Variants in RIN3 observed in about 807,000 individuals in gnomAD.
RIN3 encodes the protein RAB5 interacting protein 3.
Under a neutral mutation model 76.3 loss-of-function variants are expected in RIN3, and 54 were observed. That is an observed-to-expected ratio of 0.71 (90% CI 0.57 to 0.89). The LOEUF (loss-of-function observed/expected upper bound fraction) is 0.89. Ranked by LOEUF, RIN3 falls within the 40% of genes least tolerant of loss-of-function variation. RIN3 has a pLI of 0.00. For synonymous variants in RIN3, 576 were observed against 564.0 expected, an observed-to-expected ratio of 1.02 and a Z score of -0.30; for missense variants, 1,256 against 1,322.1, an observed-to-expected ratio of 0.95 and a Z score of 0.78.
intron 4 of RIN3, among the ~76,000 whole-genome samples, chr14:92,621,639 A>G (rs1035530653): frequency 1.3e-5 from 2 of 152,226 alleles, no homozygotes; most frequent in Non-Finnish European, 2.9e-5. Flanking sequence ...ATCAATAGAA[A>G]GGAAATGTTC....
At chr14:92,597,740 C>A (rs1420155344) in intron 3 of RIN3, among the ~76,000 whole-genome samples, 1 of 152,132 alleles carries the variant, frequency 6.6e-6, no homozygotes, top group African/African-American at 2.4e-5. Flanking sequence ...CCCTAGTTTG[C>A]AGAATGTGGC....
chr14:92,559,007 C>T (rs1168032050), intron 2 of RIN3, among the ~76,000 whole-genome samples: 1 of 151,288 alleles, frequency 6.6e-6, no homozygotes, highest in Middle Eastern at 3.2e-3. Flanking sequence ...GCTGGGACTA[C>T]AGGCGTGTGC....
chr14:92,668,788 G>A (rs781632022), intron 7 of RIN3, among the ~76,000 whole-genome samples: 3 of 152,248 alleles, frequency 2.0e-5, no homozygotes, highest in Non-Finnish European at 4.4e-5. Context: ...GAGGGACATA[G>A]TTGAAAGGAG....
At position 92,513,822 on chromosome 14, in the gene RIN3, C is replaced by T. The variant is rs1156442466; in HGVS notation, c.-111C>T. On this transcript the variant is annotated 5_prime_UTR_variant, in exon 1 of 10. Transcript: ENST00000216487. Reference sequence around the variant, plus strand: ...CCCAGAGCGCGGCGGCAGCGGCGGCCTGGCCCTTCCAGAGGGCCAGAGCCA... The same window carrying T: ...CCCAGAGCGCGGCGGCAGCGGCGGCTTGGCCCTTCCAGAGGGCCAGAGCCA... The T allele has an allele frequency of 2.9e-6, 2 of 678,414 alleles. No homozygotes were observed. The highest frequency in any genetic ancestry group is 4.1e-6 in the Non-Finnish European group (2 of 484,894). The allele number at this position is 678,414 out of a possible 1,614,324, so 42.0% of individuals were successfully genotyped here.
chr14:92,552,874 T>A (rs796947072), intron 1 of RIN3, among the ~76,000 whole-genome samples: 1 of 152,040 alleles, frequency 6.6e-6, no homozygotes, highest in African/African-American at 2.4e-5. Flanking sequence ...GGGTTTTTTT[T>A]AACTGTTTTG....
chr14:92,589,730 T>G (rs1237583148), intron 3 of RIN3, among the ~76,000 whole-genome samples: 2 of 152,204 alleles, frequency 1.3e-5, no homozygotes, highest in Admixed American at 6.5e-5. Context: ...CATAAAAAGT[T>G]AGTTGTCTCT....
At chr14:92,625,423 CAG>C (rs1284668682) in intron 4 of RIN3, among the ~76,000 whole-genome samples, 1 of 152,144 alleles carries the variant, frequency 6.6e-6, no homozygotes, top group Non-Finnish European at 1.5e-5. Context: ...TTGTCTGAGT[CAG>C]TGTTTTCTAC....
intron 3 of RIN3, among the ~76,000 whole-genome samples, chr14:92,579,783 G>A (rs1898377245): frequency 6.6e-6 from 1 of 152,220 alleles, no homozygotes; most frequent in African/African-American, 2.4e-5. Flanking sequence ...TTGGAGGGTG[G>A]GGACACACTG....
chr14:92,593,547 G>A (rs557857349), intron 3 of RIN3, among the ~76,000 whole-genome samples: 1 of 151,992 alleles, frequency 6.6e-6, no homozygotes, highest in South Asian at 2.1e-4. Context: ...ATTGTGGGGT[G>A]GGGGGAAGGG....
intron 1 of RIN3, among the ~76,000 whole-genome samples, chr14:92,551,450 C>T (rs924056287): frequency 1.3e-5 from 2 of 152,080 alleles, no homozygotes; most frequent in African/African-American, 4.8e-5. Flanking sequence ...CTGTCATTTC[C>T]CTCGGGTGTA....
chr14:92,546,322 G>A (rs568631876), intron 1 of RIN3, among the ~76,000 whole-genome samples: 2 of 152,210 alleles, frequency 1.3e-5, no homozygotes, highest in South Asian at 2.1e-4. Flanking sequence ...GAATCAAATC[G>A]GGGGATTGGG....
intron 2 of RIN3, among the ~76,000 whole-genome samples, chr14:92,569,055 G>T (rs928331290): frequency 6.6e-6 from 1 of 152,210 alleles, no homozygotes. Context: ...GTGTGCACAC[G>T]CCAGCTGCCG....
intron 4 of RIN3, among the ~76,000 whole-genome samples, chr14:92,619,131 C>T (rs554051591): frequency 6.6e-6 from 1 of 152,152 alleles, no homozygotes; most frequent in East Asian, 1.9e-4. Flanking sequence ...AAAATATAAC[C>T]TAAGGAAGAT....
At chr14:92,516,552 A>T (rs894379482) in intron 1 of RIN3, among the ~76,000 whole-genome samples, 2 of 152,062 alleles carry the variant, frequency 1.3e-5, no homozygotes, top group Admixed American at 6.5e-5. Flanking sequence ...CCCTTTCCAG[A>T]TCCTAACAGA....
At chr14:92,657,229 G>A (rs1887702895) in intron 6 of RIN3, among the ~76,000 whole-genome samples, 1 of 152,076 alleles carries the variant, frequency 6.6e-6, no homozygotes, top group African/African-American at 2.4e-5. Flanking sequence ...GCATGGTGGT[G>A]GGTACCTGTA....
intron 1 of RIN3, among the ~76,000 whole-genome samples, chr14:92,537,127 A>G (rs1027637301): frequency 1.3e-5 from 2 of 152,098 alleles, no homozygotes; most frequent in Non-Finnish European, 2.9e-5. Context: ...GAGTTTCTTT[A>G]TGCAAATACA....
intron 3 of RIN3, among the ~76,000 whole-genome samples, chr14:92,604,278 T>C (rs1285317531): frequency 6.6e-6 from 1 of 152,110 alleles, no homozygotes; most frequent in Non-Finnish European, 1.5e-5. Context: ...CCCTTGTCAC[T>C]TTGACTTTTT....
At chr14:92,606,138 C>T (rs1004377519) in intron 3 of RIN3, among the ~76,000 whole-genome samples, 2 of 131,358 alleles carry the variant, frequency 1.5e-5, no homozygotes, top group African/African-American at 5.6e-5. Context: ...AACCCCAGAG[C>T]CAGTCTCAAA....
intron 1 of RIN3, among the ~76,000 whole-genome samples, chr14:92,523,723 C>T (rs1044104356): frequency 2.0e-5 from 3 of 152,190 alleles, no homozygotes; most frequent in Non-Finnish European, 4.4e-5. Context: ...ACTGTTTATT[C>T]TGACTCTCAA....
Sources: allele counts gnomAD v4.1 joint callset (sites outside exome capture counted in the v4.1 genomes callset), GRCh38; gene constraint gnomAD v4.1.1; transcripts MANE v1.5; gene names NCBI Gene and HGNC (gene_info 2026-07-23, HGNC 2026-07-21).